KMT2E: variants seen among roughly 807,000 people sequenced by gnomAD.
KMT2E encodes lysine methyltransferase 2E (inactive).
KMT2E carries 30 observed loss-of-function variants against 184.6 expected under a neutral mutation model. The observed-to-expected ratio is 0.16, with a 90% confidence interval of 0.12 to 0.22. KMT2E has a LOEUF of 0.22. Ranked by LOEUF, KMT2E falls within the 10% of genes least tolerant of loss-of-function variation. KMT2E has a pLI of 1.00. For missense variants in KMT2E, 2,023 were observed against 2,237.4 expected (o/e 0.90, Z 1.93); for synonymous variants, 815 against 776.5 (o/e 1.05, Z -0.82).
chr7:105,045,254 C>T (rs1248335286), intron 3 of KMT2E, among the ~76,000 whole-genome samples: 4 of 152,214 alleles, frequency 2.6e-5, no homozygotes, highest in Non-Finnish European at 4.4e-5. Context: ...ATACTATTGA[C>T]TCTCTTTACC....
chr7:105,044,694 A>G (rs1035102870), intron 3 of KMT2E, among the ~76,000 whole-genome samples: 18 of 152,178 alleles, frequency 1.2e-4, no homozygotes, highest in South Asian at 4.1e-4. Context: ...ACTGCACTCA[A>G]TCCCATACCA....
intron 14 of KMT2E, 126 bp downstream of exon 14, chr7:105,090,399 AG>A: frequency 9.5e-7 from 1 of 1,050,748 alleles, no homozygotes; most frequent in South Asian, 1.8e-5. Context: ...CATTTAATGA[AG>A]TATTCATAAG....
chr7:105,110,740 A>G (rs1292460567), intron 25 of KMT2E, 31 bp from the exon 26 acceptor site: 4 of 1,596,142 alleles, frequency 2.5e-6, no homozygotes, highest in Non-Finnish European at 2.6e-6. Context: ...GTGTAATTTT[A>G]TACTTACTAT....
rs377175905 is a variant in KMT2E at position 105,089,958 on chromosome 7, C to A, written c.1359-51C>A. The A allele has an allele frequency of 1.1e-4, 171 of 1,578,060 alleles. No homozygotes were observed. The African/African-American group carries it at 2.2e-3, about 20-fold the overall frequency. ...CAGCTTAAAATGGATTAGAAAATTT[C>A]CAGTTTTGTTTTATATTTTGAAATA... On this transcript the variant is annotated intron_variant, in intron 13 of 26. Transcript: ENST00000311117.
rs1360737717 is a variant in KMT2E, at chr7:105,105,608, A to G, written c.2366A>G (p.His789Arg). 1.1e-5 allele frequency: 17 copies of G among 1,613,430 alleles called. No individual in the cohort carries two copies. The highest frequency in any genetic ancestry group is 1.2e-5 in the Non-Finnish European group (14 of 1,179,526). Reference protein sequence around the residue: ...YSPHVYSTPKHYIRFTSPFLS... With the variant: ...YSPHVYSTPKRYIRFTSPFLS... ...CCCCATGTATACTCCACTCCTAAGC[A>G]TTATATTAGATTTACTTCACCATTC... The change falls in exon 18 of 27, where the codon CAT becomes CGT. Residue 789 changes from histidine to arginine, a missense_variant. Coordinates refer to ENST00000311117, the MANE Select transcript of KMT2E (RefSeq NM_182931.3).
At chr7:105,078,701 T>A (rs1394610454) in intron 11 of KMT2E, 145 bp from the exon 12 acceptor site, 2 of 171,342 alleles carry the variant, frequency 1.2e-5, no homozygotes, top group East Asian at 2.5e-4. Context: ...AAATACGGAG[T>A]GTCGCCATGT....
chr7:105,067,842 C>T (rs1032056437), intron 6 of KMT2E, among the ~76,000 whole-genome samples: 1 of 151,996 alleles, frequency 6.6e-6, no homozygotes, highest in African/African-American at 2.4e-5. Context: ...CGTGGTGTCA[C>T]ACATCTGTAG....
chr7:105,019,912 G>T (rs1391187499), intron 1 of KMT2E, among the ~76,000 whole-genome samples: 2 of 152,048 alleles, frequency 1.3e-5, no homozygotes, highest in Non-Finnish European at 2.9e-5. Context: ...TTTGAGACCA[G>T]TCTGGCCAAC....
At chr7:105,058,618 T>C (rs1015011088) in intron 3 of KMT2E, among the ~76,000 whole-genome samples, 1 of 152,232 alleles carries the variant, frequency 6.6e-6, no homozygotes, top group African/African-American at 2.4e-5. Flanking sequence ...TCCCCTTTTA[T>C]GCATTTCAGT....
intron 1 of KMT2E, among the ~76,000 whole-genome samples, chr7:105,014,829 A>C (rs1201184592): frequency 6.6e-6 from 1 of 151,994 alleles, no homozygotes; most frequent in African/African-American, 2.4e-5. Flanking sequence ...CCTCATTGGC[A>C]GCGGGTTAAG....
At position 105,113,547 on chromosome 7, in the gene KMT2E, C is replaced by A; in HGVS notation, c.*214C>A. ...TAGGTATCTTTATTTTGTAAGTGAA[C>A]ATTCCAGCTGTTTTTTTCTGGCAGA... On this transcript the variant is annotated 3_prime_UTR_variant, in exon 27 of 27. Transcript: ENST00000311117. The A allele has an allele frequency of 4.4e-6, 2 of 456,502 alleles. No individual in the cohort carries two copies. The highest frequency in any genetic ancestry group is 7.6e-6 in the Non-Finnish European group (2 of 263,016). The allele number at this position is 456,502 out of a possible 1,614,324, so 28.3% of individuals were successfully genotyped here.
At position 105,067,617 on chromosome 7, in the gene KMT2E, A is replaced by G. The variant is rs1327598232; in HGVS notation, c.497+810A>G. 3.3e-5 allele frequency among the ~76,000 whole-genome samples: 5 copies of G among 152,274 alleles called. No individual in the cohort carries two copies. The East Asian group carries it at 9.6e-4, about 29-fold the overall frequency. On this transcript the variant is annotated intron_variant, in intron 6 of 26. Transcript: ENST00000311117. The stretch of plus-strand genomic sequence containing the variant: ...TTATTTCATCCATGTATATTTCAGT[A>G]TATATGTATTTGTGTGTATATATAT...
At chr7:105,068,624 GTTTTTTTTTTTTTTGT>G (rs1797145803) in intron 6 of KMT2E, among the ~76,000 whole-genome samples, 1 of 112,274 alleles carries the variant, frequency 8.9e-6, no homozygotes, top group Non-Finnish European at 1.7e-5. Flanking sequence ...ACTAGTTGTG[GTTTTTTTTTTTTTTGT>G]TTTTTTTTTT....
At position 105,113,960 on chromosome 7, in the gene KMT2E, T is replaced by G. The variant is rs1799468136; in HGVS notation, c.*627T>G. 1 of 153,242 alleles carries G rather than the reference T, an allele frequency of 6.5e-6. No individual in the cohort carries two copies. The highest frequency in any genetic ancestry group is 1.5e-5 in the Non-Finnish European group (1 of 68,232). The allele number at this position is 153,242 out of a possible 1,614,324, so 9.5% of individuals were successfully genotyped here. On this transcript the variant is annotated 3_prime_UTR_variant, in exon 27 of 27. Transcript: ENST00000311117. ...ATGACAAGTCTTTTGCAAAACTGTG[T>G]GATCTTTGTGAAAGTAGTACAGTAT...
chr7:105,041,730 T>C (rs745753197), intron 3 of KMT2E, among the ~76,000 whole-genome samples: 10 of 152,202 alleles, frequency 6.6e-5, no homozygotes, highest in Non-Finnish European at 1.5e-4. Context: ...TGAATTTGTA[T>C]AATTGAAGAT....
intron 1 of KMT2E, among the ~76,000 whole-genome samples, chr7:105,029,630 G>A (rs774237548): frequency 9.9e-4 from 150 of 152,212 alleles, no homozygotes; most frequent in African/African-American, 2.4e-3. Context: ...AGATTGGGTG[G>A]CTGGATATAA....
Position 105,112,376 on chromosome 7 carries a change from C to T in KMT2E, c.4620C>T (p.Asn1540=), listed in dbSNP as rs1463902696. The T allele has an allele frequency of 4.3e-6, 7 of 1,612,964 alleles. No individual in the cohort carries two copies. Among genetic ancestry groups the T allele is most frequent in the African/African-American group, 1.3e-5 (1 of 75,024 alleles). ...GTCAGTTTAACCAACAAAGTCTGAACAGCACGGCACCACCCCCTCCACCTC... is the reference window on the plus strand; with the variant it reads ...GTCAGTTTAACCAACAAAGTCTGAATAGCACGGCACCACCCCCTCCACCTC... ...TYSQFNQQSL[N]STAPPPPPPP... Residue 1540 remains asparagine, a synonymous_variant, in exon 27 of 27, where the codon AAC becomes AAT. Transcript: ENST00000311117.
chr7:105,087,333 A>G (rs1798026620), intron 13 of KMT2E, among the ~76,000 whole-genome samples: 1 of 147,058 alleles, frequency 6.8e-6, no homozygotes, highest in Non-Finnish European at 1.5e-5. Flanking sequence ...TATTACATAT[A>G]TGCTAGCTCA....
intron 4 of KMT2E, among the ~76,000 whole-genome samples, chr7:105,062,958 T>C (rs2129567193): frequency 6.6e-6 from 1 of 151,714 alleles, no homozygotes; most frequent in South Asian, 2.1e-4. Context: ...TGTTTTATTA[T>C]TCTTTAGGCT....
Sources: allele counts gnomAD v4.1 joint callset (sites outside exome capture counted in the v4.1 genomes callset), GRCh38; gene constraint gnomAD v4.1.1; transcripts MANE v1.5; gene names NCBI Gene and HGNC (gene_info 2026-07-23, HGNC 2026-07-21).